The following DNAH14 variants were observed in gnomAD, a reference collection of about 807,000 sequenced individuals.
The protein encoded by DNAH14 is dynein axonemal heavy chain 14, also known as axonemal beta dynein heavy chain 14.
Under a neutral mutation model 520.9 loss-of-function variants are expected in DNAH14, and 478 were observed. The observed-to-expected ratio is 0.92, with a 90% confidence interval of 0.85 to 0.99. DNAH14 has a LOEUF of 0.99. Ranked by LOEUF, DNAH14 falls within the 50% of genes least tolerant of loss-of-function variation. DNAH14 has a pLI of 0.00. For synonymous variants in DNAH14, 1,581 were observed against 1,757.2 expected, an observed-to-expected ratio of 0.90 and a Z score of 2.51; for missense variants, 4,831 against 5,234.5, an observed-to-expected ratio of 0.92 and a Z score of 2.38.
intron 11 of DNAH14, 93 bp from the exon 12 acceptor site, chr1:225,038,601 G>T: frequency 7.9e-7 from 1 of 1,272,154 alleles, no homozygotes; most frequent in Non-Finnish European, 1.1e-6. Flanking sequence ...TTTTTAATTG[G>T]GTTGCTTTTT....
intron 17 of DNAH14, among the ~76,000 whole-genome samples, chr1:225,061,828 A>G (rs2070163580): frequency 6.6e-6 from 1 of 152,052 alleles, no homozygotes; most frequent in Non-Finnish European, 1.5e-5. Flanking sequence ...TAAATTACAT[A>G]CTCCCAGAAA....
At chr1:225,177,067 T>C (rs549199568) in intron 36 of DNAH14, among the ~76,000 whole-genome samples, 25 of 152,236 alleles carry the variant, frequency 1.6e-4, no homozygotes, top group African/African-American at 5.8e-4. Context: ...ATGGCTTTGA[T>C]CAAAAGCCTG....
chr1:225,218,688 A>T (rs1013308349), intron 41 of DNAH14, among the ~76,000 whole-genome samples: 1 of 152,230 alleles, frequency 6.6e-6, no homozygotes, highest in East Asian at 1.9e-4. Context: ...CGACAAACAG[A>T]CTTAGACTCC....
chr1:225,047,296 A>G (rs570467985), intron 15 of DNAH14, among the ~76,000 whole-genome samples: 1 of 152,270 alleles, frequency 6.6e-6, no homozygotes, highest in South Asian at 2.1e-4. Context: ...GCTATGAGAA[A>G]TCTGGCTGAC....
chr1:225,303,100 AT>A, intron 56 of DNAH14, 55 bp from the exon 57 acceptor site: 3 of 1,228,168 alleles, frequency 2.4e-6, no homozygotes, highest in Non-Finnish European at 3.3e-6. Flanking sequence ...TTAATATAAT[AT>A]TTTTTCAAAA....
At position 225,047,440 on chromosome 1, in the gene DNAH14, A is replaced by G. The variant is rs535657006; in HGVS notation, c.1913-2770A>G. ...TTTGCTGTATCTTTTCTATGTTTCA[A>G]TATATAATCCTTACCACTATTTTAC... On this transcript the variant is annotated intron_variant, in intron 15 of 85. Transcript: ENST00000682510. Among the ~76,000 whole-genome samples, 29 of 152,278 alleles carry G rather than the reference A, an allele frequency of 1.9e-4. No homozygotes were observed. The South Asian group carries it at 5.0e-3, about 26-fold the overall frequency.
chr1:225,235,413 C>T (rs1391812598), intron 42 of DNAH14, among the ~76,000 whole-genome samples: 1 of 152,008 alleles, frequency 6.6e-6, no homozygotes, highest in East Asian at 1.9e-4. Flanking sequence ...GGTGGATAAG[C>T]TTTTTGATGT....
rs2058551826 is a variant in DNAH14 at position 224,929,752 on chromosome 1, G to T, written c.-117G>T. 1.4e-6 allele frequency: 1 copy of T among 702,166 alleles called. No individual in the cohort carries two copies. The allele number at this position is 702,166 out of a possible 1,614,324, so 43.5% of individuals were successfully genotyped here. On this transcript the variant is annotated 5_prime_UTR_variant, in exon 1 of 86. Coordinates refer to ENST00000682510, the MANE Select transcript of DNAH14 (RefSeq NM_001367479.1). ...TGCGCGGTCCTTCCCATTCACCCTA[G>T]TCTGGCGCTCGCCGGCGTGGGCGGG...
At chr1:225,056,662 A>T (rs1352540263) in intron 17 of DNAH14, among the ~76,000 whole-genome samples, 1 of 152,144 alleles carries the variant, frequency 6.6e-6, no homozygotes, top group Admixed American at 6.5e-5. Context: ...TTATGGTTTT[A>T]GGTCTAACAT....
chr1:225,244,503 G>T (rs1412216190), intron 43 of DNAH14, among the ~76,000 whole-genome samples: 2 of 152,098 alleles, frequency 1.3e-5, no homozygotes, highest in Non-Finnish European at 2.9e-5. Flanking sequence ...TGGTTGGTAG[G>T]TTATTAATTA....
At chr1:225,039,507 A>C (rs1187611552) in intron 12 of DNAH14, among the ~76,000 whole-genome samples, 1 of 152,138 alleles carries the variant, frequency 6.6e-6, no homozygotes, top group East Asian at 1.9e-4. Flanking sequence ...ACAACCATAT[A>C]AAGAACTTTG....
chr1:225,377,202 T>C, intron 78 of DNAH14, 35 bp from the exon 79 acceptor site: 2 of 1,396,736 alleles, frequency 1.4e-6, no homozygotes, highest in Non-Finnish European at 1.9e-6. Flanking sequence ...GTAGCAGGAT[T>C]GAAGAAAAAA....
Position 225,002,856 on chromosome 1 carries a change from T to A in DNAH14, c.904T>A (p.Cys302Ser), listed in dbSNP as rs764814228. 3 of 1,549,760 alleles carry A rather than the reference T, an allele frequency of 1.9e-6. No individual in the cohort carries two copies. ...QTCLVYIRGL[C>S]EDAINLKNYN... is the part of the protein sequence containing the mutation. ...CTGTTTGGTTTATATAAGAGGACTT[T>A]GTGAAGATGCAATTAATCTCAAAAA... Residue 302 changes from cysteine to serine, a missense_variant, in exon 9 of 86, where the codon TGT (cysteine) becomes AGT (serine). Coordinates refer to ENST00000682510, the MANE Select transcript of DNAH14 (RefSeq NM_001367479.1).
intron 36 of DNAH14, among the ~76,000 whole-genome samples, chr1:225,171,389 G>A (rs34530213): frequency 2.0e-5 from 3 of 151,786 alleles, no homozygotes; most frequent in African/African-American, 7.3e-5. Context: ...TGATAAAGAA[G>A]AAAAGAGAGA....
At chr1:225,077,009 T>A (rs777441105) in intron 17 of DNAH14, among the ~76,000 whole-genome samples, 4 of 152,044 alleles carry the variant, frequency 2.6e-5, no homozygotes, top group Non-Finnish European at 5.9e-5. Context: ...CTGGAAACCA[T>A]CATTCTCAGC....
intron 55 of DNAH14, among the ~76,000 whole-genome samples, chr1:225,290,651 A>ATGTG (rs1558282396): frequency 0.041 from 927 of 22,446 alleles, 56 homozygotes; most frequent in African/African-American, 0.15. Flanking sequence ...GTGTGTGTAT[A>ATGTG]TATATATATA....
At chr1:225,329,699 C>A (rs2094752670) in intron 64 of DNAH14, among the ~76,000 whole-genome samples, 1 of 152,088 alleles carries the variant, frequency 6.6e-6, no homozygotes. Context: ...TATGAAACTT[C>A]TTGAGAAAAC....
At chr1:224,983,365 T>A (rs770996560) in intron 8 of DNAH14, among the ~76,000 whole-genome samples, 1 of 152,042 alleles carries the variant, frequency 6.6e-6, no homozygotes, top group African/African-American at 2.4e-5. Context: ...GAGGTTATGA[T>A]CAAAACCCTC....
chr1:225,020,426 G>A (rs1307709104), intron 10 of DNAH14, among the ~76,000 whole-genome samples: 1 of 150,212 alleles, frequency 6.7e-6, no homozygotes, highest in Non-Finnish European at 1.5e-5. Context: ...GAATCTGGGA[G>A]GCGGAGGTTG....
Sources: gnomAD v4.1 joint callset for allele counts (sites outside exome capture counted in the v4.1 genomes callset) on GRCh38, gnomAD v4.1.1 for gene constraint, MANE v1.5 for transcripts, NCBI Gene and HGNC (gene_info 2026-07-23, HGNC 2026-07-21) for gene names.